BMPR2: variants seen among roughly 807,000 people sequenced by gnomAD.
BMPR2 encodes the protein bone morphogenetic protein receptor type 2.
Under a neutral mutation model 100.8 loss-of-function variants are expected in BMPR2, and 29 were observed. The ratio of observed to expected loss-of-function variants is 0.29; its 90% CI spans 0.21 to 0.39. BMPR2 has a LOEUF of 0.39. Among genes scored for constraint, BMPR2 ranks in the 10% least tolerant of loss-of-function variants. The probability of loss-of-function intolerance (pLI) is 1.00; values close to 1 mark genes in which losing one functional copy is unlikely to be tolerated. For synonymous variants in BMPR2, 382 were observed against 442.3 expected (o/e 0.86, Z 1.71); for missense variants, 1,011 against 1,274.5 (o/e 0.79, Z 3.15).
chr2:202,518,634 G>T (rs1356133464), intron 5 of BMPR2, among the ~76,000 whole-genome samples, 188 bp from the exon 6 acceptor site: 1 of 151,856 alleles, frequency 6.6e-6, no homozygotes, highest in Admixed American at 6.6e-5. Context: ...TGTTCTCTAT[G>T]GGCAGGCTGG....
At chr2:202,403,185 C>T (rs1472678308) in intron 1 of BMPR2, among the ~76,000 whole-genome samples, 1 of 119,796 alleles carries the variant, frequency 8.3e-6, no homozygotes, top group African/African-American at 3.2e-5. Context: ...CCTTCCCCTC[C>T]CCTCCCCTCC....
chr2:202,406,097 G>T (rs1690885766), intron 1 of BMPR2, among the ~76,000 whole-genome samples: 1 of 152,168 alleles, frequency 6.6e-6, no homozygotes, highest in Non-Finnish European at 1.5e-5. Flanking sequence ...CTGATGAGTA[G>T]GGAAGGACTG....
In BMPR2 at chr2:202,560,750, ATCTTAATAAACTT is replaced by A. The variant is rs1382013179; in HGVS notation, c.*805_*817del. 1.6e-4 allele frequency: 24 copies of A among 152,740 alleles called. No individual in the cohort carries two copies. Among genetic ancestry groups the A allele is most frequent in the African/African-American group, 5.8e-4 (24 of 41,582 alleles). The allele number at this position is 152,740 out of a possible 1,614,324, so 9.5% of individuals were successfully genotyped here. On this transcript the variant is annotated 3_prime_UTR_variant, in exon 13 of 13. Coordinates refer to ENST00000374580, the MANE Select transcript of BMPR2 (RefSeq NM_001204.7). ...AAATCCTAAATGTTTCCTTCAAGGC[ATCTTAATAAACTT>A]ATTTGCTTCTGGTTTTGGGAGTTCA...
At chr2:202,493,625 T>G (rs1692958369) in intron 3 of BMPR2, among the ~76,000 whole-genome samples, 1 of 152,150 alleles carries the variant, frequency 6.6e-6, no homozygotes, top group African/African-American at 2.4e-5. Flanking sequence ...ATTGCTGAAA[T>G]TGTCTCTCCT....
chr2:202,473,408 C>T (rs1048019870), intron 3 of BMPR2, among the ~76,000 whole-genome samples: 1 of 152,100 alleles, frequency 6.6e-6, no homozygotes, highest in South Asian at 2.1e-4. Context: ...TCCAAGATTG[C>T]GCCAGTGCAC....
chr2:202,557,461 TCAAACACA>T (rs1409704239), intron 12 of BMPR2, among the ~76,000 whole-genome samples: 6 of 104,868 alleles, frequency 5.7e-5, no homozygotes, highest in South Asian at 3.2e-4. Flanking sequence ...AAACTCTGTC[TCAAACACA>T]CACACACACA....
intron 3 of BMPR2, among the ~76,000 whole-genome samples, chr2:202,479,865 G>A (rs1381395960): frequency 6.6e-6 from 1 of 152,024 alleles, no homozygotes; most frequent in African/African-American, 2.4e-5. Flanking sequence ...TAATGGTGAT[G>A]AGCATCTTTT....
chr2:202,536,349 A>G lies in BMPR2; in HGVS notation c.1276+3617A>G, dbSNP rs373003379. Among the ~76,000 whole-genome samples, 8 of 152,110 alleles carry G rather than the reference A, an allele frequency of 5.3e-5. No individual in the cohort carries two copies. The East Asian group carries it at 1.4e-3, about 26-fold the overall frequency. ...GGCTGGTCTCAAACTCCTGGGCTCA[A>G]GTGATCCACCCACTTCAGCCTCCAA... On this transcript the variant is annotated intron_variant, in intron 9 of 12. Transcript: ENST00000374580.
rs1296576391 is a variant in BMPR2, at chr2:202,566,017, AT to A, written c.*6076del. 6.6e-6 allele frequency: 1 copy of A among 152,204 alleles called. No homozygotes were observed. Among genetic ancestry groups the A allele is most frequent in the Non-Finnish European group, 1.5e-5 (1 of 67,996 alleles). The allele number at this position is 152,204 out of a possible 1,614,324, so 9.4% of individuals were successfully genotyped here. On this transcript the variant is annotated 3_prime_UTR_variant, in exon 13 of 13. Coordinates refer to ENST00000374580, the MANE Select transcript of BMPR2 (RefSeq NM_001204.7). ...ACTATTAAACATTGTGAACATACAC[AT>A]TTTTAAAACAACTTGAAACCCATTT... is the stretch of plus-strand genomic sequence containing the variant.
rs118178762 is a variant in BMPR2 at position 202,393,672 on chromosome 2, A to G, written c.76+16122A>G. ...GAATTATATTTGAAAACAGAATTCTAAACAGTGAAATAAATGACAGTACCA... is the reference window on the plus strand; with the variant it reads ...GAATTATATTTGAAAACAGAATTCTGAACAGTGAAATAAATGACAGTACCA... On this transcript the variant is annotated intron_variant, in intron 1 of 12. Transcript: ENST00000374580. 2.2e-3 allele frequency among the ~76,000 whole-genome samples: 335 copies of G among 152,242 alleles called. 5 individuals are homozygous for G. The highest frequency in any genetic ancestry group is 0.018 in the Admixed American group (280 of 15,276).
chr2:202,541,186 A>G (rs970739903), intron 9 of BMPR2, among the ~76,000 whole-genome samples: 3 of 152,144 alleles, frequency 2.0e-5, no homozygotes, highest in Non-Finnish European at 4.4e-5. Context: ...CACACCTGTA[A>G]TCTCAGCACC....
intron 3 of BMPR2, among the ~76,000 whole-genome samples, chr2:202,471,283 C>G (rs550349963): frequency 6.6e-6 from 1 of 152,126 alleles, no homozygotes; most frequent in Admixed American, 6.6e-5. Flanking sequence ...GAGTTGGCAG[C>G]TTATCATTCT....
At chr2:202,379,925 C>T (rs1292581136) in intron 1 of BMPR2, among the ~76,000 whole-genome samples, 1 of 151,922 alleles carries the variant, frequency 6.6e-6, no homozygotes, top group Non-Finnish European at 1.5e-5. Context: ...TGGCACGACC[C>T]TGGCTCACCA....
At chr2:202,471,912 T>TTGTGTGTGTGTGTG (rs111523279) in intron 3 of BMPR2, among the ~76,000 whole-genome samples, 1 of 147,752 alleles carries the variant, frequency 6.8e-6, no homozygotes, top group East Asian at 2.0e-4. Context: ...CAAAAAAAGA[T>TTGTGTGTGTGTGTG]TGTGTGTGTG....
chr2:202,392,799 C>T (rs1390860625), intron 1 of BMPR2, among the ~76,000 whole-genome samples: 1 of 151,918 alleles, frequency 6.6e-6, no homozygotes, highest in Non-Finnish European at 1.5e-5. Flanking sequence ...TCGAGACCAG[C>T]CTGACCAACA....
chr2:202,491,205 C>T (rs781619959), intron 3 of BMPR2, among the ~76,000 whole-genome samples: 3 of 152,046 alleles, frequency 2.0e-5, no homozygotes, highest in East Asian at 1.9e-4. Context: ...TACACAGATG[C>T]GCCACTACAC....
At chr2:202,546,718 C>G (rs943593614) in intron 10 of BMPR2, among the ~76,000 whole-genome samples, 7 of 152,148 alleles carry the variant, frequency 4.6e-5, no homozygotes, top group Non-Finnish European at 1.0e-4. Flanking sequence ...ATTTTTCTGG[C>G]TCTGCCTCCC....
At chr2:202,411,219 C>T (rs1454734967) in intron 1 of BMPR2, among the ~76,000 whole-genome samples, 1 of 152,182 alleles carries the variant, frequency 6.6e-6, no homozygotes, top group Non-Finnish European at 1.5e-5. Flanking sequence ...GGATATACCA[C>T]TCTAACCTGG....
rs1687447876 is a variant in BMPR2 at position 202,503,437 on chromosome 2, G to A, written c.419-10282G>A. Among the ~76,000 whole-genome samples, 1 of 152,268 alleles carries A rather than the reference G, an allele frequency of 6.6e-6. No homozygotes were observed. Among genetic ancestry groups the A allele is most frequent in the Non-Finnish European group, 1.5e-5 (1 of 68,046 alleles). On this transcript the variant is annotated intron_variant, in intron 3 of 12. Transcript: ENST00000374580. This position sits in a 1 kb window ranked among gnomAD's most constrained non-coding sequence, Gnocchi z 4.0. Reference sequence around the variant, plus strand: ...GTGCCGCGCTTGCGGGCCAGCCGGAGTTCCGGTTGGGCATGGGCTTGGCGG... The same window carrying A: ...GTGCCGCGCTTGCGGGCCAGCCGGAATTCCGGTTGGGCATGGGCTTGGCGG...
Sources: allele counts gnomAD v4.1 joint callset (sites outside exome capture counted in the v4.1 genomes callset), GRCh38; gene constraint gnomAD v4.1.1; non-coding constraint Gnocchi (gnomAD v3.1); transcripts MANE v1.5; gene names NCBI Gene and HGNC (gene_info 2026-07-23, HGNC 2026-07-21).